WARS2: variants seen among roughly 807,000 people sequenced by gnomAD.
The protein encoded by WARS2 is tryptophan--tRNA ligase, mitochondrial.
In WARS2, 28 loss-of-function variants were observed where a neutral mutation model predicts 36.5. That is an observed-to-expected ratio of 0.77 (90% CI 0.57 to 1.05). WARS2 has a LOEUF of 1.05. Among genes scored for constraint, WARS2 ranks in the 50% least tolerant of loss-of-function variants. The pLI is 0.00. For synonymous variants in WARS2, 174 were observed against 178.4 expected (o/e 0.98, Z 0.20); for missense variants, 435 against 456.8 (o/e 0.95, Z 0.44).
intron 1 of WARS2, among the ~76,000 whole-genome samples, chr1:119,109,837 A>C (rs1259020839): frequency 6.6e-6 from 1 of 151,094 alleles, no homozygotes; most frequent in Non-Finnish European, 1.5e-5. Flanking sequence ...ACTTTTCTGT[A>C]GTTTTTAATT....
chr1:119,137,957 C>T (rs1425039910), intron 1 of WARS2, among the ~76,000 whole-genome samples: 3 of 152,052 alleles, frequency 2.0e-5, no homozygotes, highest in Non-Finnish European at 2.9e-5. Context: ...AATCACAACA[C>T]TTTATTAGTT....
At chr1:119,057,511 C>T (rs922289761) in intron 2 of WARS2, among the ~76,000 whole-genome samples, 1 of 151,468 alleles carries the variant, frequency 6.6e-6, no homozygotes, top group Admixed American at 6.6e-5. Context: ...TTAGCATGGC[C>T]GAGCACAGTG....
chr1:119,033,289 C>T lies in WARS2; in HGVS notation c.705G>A (p.Leu235=). 6.2e-7 allele frequency: 1 copy of T among 1,614,200 alleles called. No individual in the cohort carries two copies. Among genetic ancestry groups the T allele is most frequent in the Non-Finnish European group, 8.5e-7 (1 of 1,180,034 alleles). Residue 235 remains leucine, a synonymous_variant, in exon 6 of 6, where the codon CTG becomes CTA. Coordinates refer to ENST00000235521, the MANE Select transcript of WARS2 (RefSeq NM_015836.4). ...AKMSKSDPDK[L]ATVRITDSPE... ...GGCTGTCTGTTATTCGGACGGTGGC[C>T]AGTTTGTCAGGGTCTGATTTCGACA...
At chr1:119,073,169 A>G (rs184322333) in intron 2 of WARS2, among the ~76,000 whole-genome samples, 19 of 139,876 alleles carry the variant, frequency 1.4e-4, no homozygotes, top group Admixed American at 4.1e-4. Flanking sequence ...AGAAAAAAAA[A>G]AAAAGAAAAG....
chr1:119,040,939 A>C (rs1648305977), intron 4 of WARS2, among the ~76,000 whole-genome samples: 2 of 152,238 alleles, frequency 1.3e-5, no homozygotes, highest in Non-Finnish European at 2.9e-5. Flanking sequence ...AAAGCTACTT[A>C]TTACAAATAA....
intron 1 of WARS2, among the ~76,000 whole-genome samples, chr1:119,108,188 C>T (rs1165168386): frequency 6.6e-6 from 1 of 151,948 alleles, no homozygotes; most frequent in African/African-American, 2.4e-5. Flanking sequence ...TAGGGTAATG[C>T]CTGGGTTCAC....
Position 119,076,469 on chromosome 1 carries a change from G to A in WARS2, c.229C>T (p.His77Tyr), listed in dbSNP as rs371009025. 2.5e-6 allele frequency: 4 copies of A among 1,614,012 alleles called. No homozygotes were observed. Among genetic ancestry groups the A allele is most frequent in the South Asian group, 2.2e-5 (2 of 91,080 alleles). Residue 77 changes from histidine (H) to tyrosine (Y), a missense_variant, in exon 2 of 6, where the codon CAC (histidine) becomes TAC (tyrosine). Transcript: ENST00000235521. ...DSVLYSIVDL[H>Y]SITVPQDPAV... ...GGGTCTTGGGGGACAGTAATGGAGTGGAGGTCAACAATGCTGTATAATACA... is the reference window on the plus strand; with the variant it reads ...GGGTCTTGGGGGACAGTAATGGAGTAGAGGTCAACAATGCTGTATAATACA...
intron 1 of WARS2, among the ~76,000 whole-genome samples, chr1:119,114,798 C>A (rs1176162272): frequency 6.6e-6 from 1 of 152,166 alleles, no homozygotes; most frequent in African/African-American, 2.4e-5. Flanking sequence ...CTAAGTACAT[C>A]CTGCAAAGAA....
chr1:119,107,525 G>C lies in WARS2; in HGVS notation c.91-30918C>G, dbSNP rs1288428652. 2.6e-5 allele frequency among the ~76,000 whole-genome samples: 4 copies of C among 152,034 alleles called. No individual in the cohort carries two copies. In the East Asian group the frequency reaches 7.7e-4, roughly 29 times the overall value. On this transcript the variant is annotated intron_variant, in intron 1 of 5. Transcript: ENST00000235521. ...AATCATTCCAGCATCATTTGATGAAGACTCTCTCTTCCATTGTATTGCCTT... is the reference window on the plus strand; with the variant it reads ...AATCATTCCAGCATCATTTGATGAACACTCTCTCTTCCATTGTATTGCCTT...
intron 1 of WARS2, among the ~76,000 whole-genome samples, chr1:119,100,890 G>C (rs1221885820): frequency 6.6e-6 from 1 of 152,170 alleles, no homozygotes; most frequent in Admixed American, 6.5e-5. Flanking sequence ...CTCCCACCTT[G>C]GCCTTCTAAA....
intron 1 of WARS2, among the ~76,000 whole-genome samples, chr1:119,121,077 T>C (rs1199829994): frequency 6.6e-6 from 1 of 152,098 alleles, no homozygotes; most frequent in African/African-American, 2.4e-5. Context: ...ATAAAGGGCA[T>C]CCAAATTGGT....
At chr1:119,033,426 A>G in intron 5 of WARS2, 67 bp from the exon 6 acceptor site, 2 of 1,579,474 alleles carry the variant, frequency 1.3e-6, no homozygotes, top group Non-Finnish European at 8.6e-7. Context: ...ACCAAGATGT[A>G]CACACAGACA....
intron 1 of WARS2, among the ~76,000 whole-genome samples, chr1:119,096,473 A>G (rs1254025133): frequency 2.0e-5 from 3 of 152,090 alleles, no homozygotes; most frequent in Non-Finnish European, 4.4e-5. Context: ...TATATATTTT[A>G]TATCTTTAGA....
At chr1:119,087,439 T>C (rs1481100371) in intron 1 of WARS2, among the ~76,000 whole-genome samples, 1 of 152,224 alleles carries the variant, frequency 6.6e-6, no homozygotes, top group Non-Finnish European at 1.5e-5. Flanking sequence ...TGTTTAAAAA[T>C]TGGTTCTTTG....
intron 2 of WARS2, among the ~76,000 whole-genome samples, chr1:119,054,197 A>G (rs1649591559): frequency 1.3e-5 from 2 of 151,876 alleles, no homozygotes; most frequent in Admixed American, 1.3e-4. Flanking sequence ...CAGCAAAAAC[A>G]AAACTAAACA....
chr1:119,091,489 C>T (rs1475544240), intron 1 of WARS2, among the ~76,000 whole-genome samples: 1 of 152,176 alleles, frequency 6.6e-6, no homozygotes, highest in Non-Finnish European at 1.5e-5. Context: ...TAGCAAGGCA[C>T]TCAAGAAATT....
intron 1 of WARS2, among the ~76,000 whole-genome samples, chr1:119,090,076 A>G (rs1485440252): frequency 6.6e-6 from 1 of 152,044 alleles, no homozygotes; most frequent in African/African-American, 2.4e-5. Context: ...GCACACATTT[A>G]TCTATGTAAC....
At chr1:119,107,665 AAAAGAAAGAGAGAGAGAGAG>A (rs771654366) in intron 1 of WARS2, among the ~76,000 whole-genome samples, 61 of 92,998 alleles carry the variant, frequency 6.6e-4, no homozygotes, top group South Asian at 1.5e-3. Context: ...GAGAAATAGA[AAAAGAAAGAGAGAGAGAGAG>A]AGAGAGAGAG....
intron 1 of WARS2, among the ~76,000 whole-genome samples, chr1:119,128,266 G>A (rs1571400640): frequency 6.6e-6 from 1 of 151,922 alleles, no homozygotes; most frequent in Non-Finnish European, 1.5e-5. Flanking sequence ...AGTACAGATC[G>A]TGTTTCACTA....
Sources: gnomAD v4.1 joint callset for allele counts (sites outside exome capture counted in the v4.1 genomes callset) on GRCh38, gnomAD v4.1.1 for gene constraint, MANE v1.5 for transcripts, NCBI Gene and HGNC (gene_info 2026-07-23, HGNC 2026-07-21) for gene names.